Variants in DAP3 observed in about 807,000 individuals in gnomAD.
DAP3 encodes the protein small ribosomal subunit protein mS29.
In DAP3, 28 loss-of-function variants were observed where a neutral mutation model predicts 51.9. The ratio of observed to expected loss-of-function variants is 0.54; its 90% CI spans 0.40 to 0.74. The LOEUF (loss-of-function observed/expected upper bound fraction) is 0.74. Ranked by LOEUF, DAP3 falls within the 30% of genes least tolerant of loss-of-function variation. DAP3 has a pLI of 0.00. For synonymous variants in DAP3, 170 were observed against 170.3 expected, an observed-to-expected ratio of 1.00 and a Z score of 0.01; for missense variants, 458 against 483.5, an observed-to-expected ratio of 0.95 and a Z score of 0.49.
chr1:155,721,450 A>C (rs1025793878), intron 3 of DAP3, 67 bp from the exon 4 acceptor site: 1 of 1,388,116 alleles, frequency 7.2e-7, no homozygotes. Flanking sequence ...ACACACATAG[A>C]TAAGACAAAA....
intron 3 of DAP3, 111 bp from the exon 4 acceptor site, chr1:155,721,406 A>G (rs1043520212): frequency 1.8e-5 from 9 of 489,074 alleles, no homozygotes; most frequent in African/African-American, 1.8e-4. Flanking sequence ...GTATGTATAT[A>G]TATATATATA....
chr1:155,711,290 T>A (rs1234894170), intron 2 of DAP3, among the ~76,000 whole-genome samples: 1 of 152,032 alleles, frequency 6.6e-6, no homozygotes, highest in Non-Finnish European at 1.5e-5. Flanking sequence ...GTCAGCAGTT[T>A]GAGACCAGCC....
At chr1:155,705,323 A>T (rs966416335) in intron 1 of DAP3, among the ~76,000 whole-genome samples, 1 of 146,386 alleles carries the variant, frequency 6.8e-6, no homozygotes, top group Non-Finnish European at 1.5e-5. Context: ...GAAGCAGAGC[A>T]TGGTGGCTCA....
chr1:155,712,350 C>T (rs1372179677), intron 2 of DAP3, among the ~76,000 whole-genome samples: 3 of 152,088 alleles, frequency 2.0e-5, no homozygotes, highest in Non-Finnish European at 4.4e-5. Flanking sequence ...TGGTGGCTTA[C>T]ACCTGTAATC....
intron 11 of DAP3, among the ~76,000 whole-genome samples, chr1:155,732,823 G>T (rs564819707): frequency 6.6e-6 from 1 of 152,142 alleles, no homozygotes; most frequent in Non-Finnish European, 1.5e-5. Flanking sequence ...AGGAGATCGA[G>T]ACCATCCTGG....
chr1:155,688,898 A>G (rs781551482), upstream of DAP3: 4 of 1,612,496 alleles, frequency 2.5e-6, no homozygotes, highest in African/African-American at 4.0e-5. Flanking sequence ...TGGAATTGCC[A>G]GGGTGGCCGG....
intron 11 of DAP3, chr1:155,732,347 G>C (rs904775403): frequency 1.1e-5 from 2 of 185,674 alleles, no homozygotes; most frequent in African/African-American, 4.8e-5. Context: ...CTCCTGTCTC[G>C]GCCTCCTAAG....
intron 4 of DAP3, 60 bp from the exon 5 acceptor site, chr1:155,725,322 C>A: frequency 1.4e-6 from 2 of 1,467,444 alleles, no homozygotes; most frequent in Admixed American, 1.7e-5. Context: ...AGTATATATA[C>A]CACCCCCCAC....
At chr1:155,733,331 T>C (rs1659432670) in intron 11 of DAP3, among the ~76,000 whole-genome samples, 1 of 152,242 alleles carries the variant, frequency 6.6e-6, no homozygotes, top group Non-Finnish European at 1.5e-5. Context: ...TTGGAATTAA[T>C]ATGTATGTTG....
chr1:155,691,479 GTTT>G (rs1229435572), intron 1 of DAP3, among the ~76,000 whole-genome samples: 1 of 141,982 alleles, frequency 7.0e-6, no homozygotes, highest in Non-Finnish European at 1.5e-5. Context: ...ACCACGTTAT[GTTT>G]ATTCATCAAT....
upstream of DAP3, chr1:155,688,063 C>T (rs748952816): frequency 1.9e-6 from 3 of 1,570,774 alleles, no homozygotes; most frequent in South Asian, 1.2e-5. Flanking sequence ...CCAAATCGTT[C>T]TACTCACCGT....
intron 2 of DAP3, among the ~76,000 whole-genome samples, chr1:155,710,913 CAA>C (rs940898342): frequency 2.6e-5 from 4 of 151,898 alleles, no homozygotes; most frequent in African/African-American, 9.7e-5. Flanking sequence ...CTTACAGCAC[CAA>C]AGAGGAGCAC....
chr1:155,705,094 C>G (rs1228472856), intron 1 of DAP3, among the ~76,000 whole-genome samples: 2 of 151,814 alleles, frequency 1.3e-5, no homozygotes, highest in Non-Finnish European at 2.9e-5. Context: ...GAGTTCAAGA[C>G]CATCGCTGGC....
chr1:155,716,948 C>CAA (rs377724521), intron 2 of DAP3, 58 bp from the exon 3 acceptor site: 2,639 of 1,383,174 alleles, frequency 1.9e-3, no homozygotes, highest in Admixed American at 4.3e-3. Context: ...AACTCCATCT[C>CAA]AAAAAAAAAA....
chr1:155,709,634 G>T lies in DAP3; in HGVS notation c.-7-139G>T, dbSNP rs950469351. ...CATGCCTTTTGCTCATTTTTTTAAT[G>T]AAGCTGTAGGCATTCTTTATATATT... is the stretch of plus-strand genomic sequence containing the variant. On this transcript the variant is annotated intron_variant, in intron 1 of 12. Coordinates refer to ENST00000368336, the MANE Select transcript of DAP3 (RefSeq NM_004632.4). 5.3e-6 allele frequency: 3 copies of T among 567,030 alleles called. No homozygotes were observed. In the African/African-American group the frequency reaches 5.8e-5, roughly 11 times the overall value. The allele number at this position is 567,030 out of a possible 1,614,324, so 35.1% of individuals were successfully genotyped here. A position where few individuals can be genotyped will look rare whatever the true frequency, so the allele number is the denominator to read the frequency against.
intron 4 of DAP3, among the ~76,000 whole-genome samples, chr1:155,723,544 G>A (rs1346370960): frequency 6.6e-6 from 1 of 151,704 alleles, no homozygotes; most frequent in Non-Finnish European, 1.5e-5. Context: ...GGCCAGGCTG[G>A]TCTCCAACTC....
intron 4 of DAP3, among the ~76,000 whole-genome samples, chr1:155,722,971 G>A (rs1259037998): frequency 6.6e-6 from 1 of 152,120 alleles, no homozygotes; most frequent in Non-Finnish European, 1.5e-5. Context: ...ACAATGCTCT[G>A]TAAGAACTTA....
intron 3 of DAP3, among the ~76,000 whole-genome samples, chr1:155,720,994 A>G (rs1657929399): frequency 1.3e-5 from 2 of 151,560 alleles, no homozygotes; most frequent in Non-Finnish European, 2.9e-5. Flanking sequence ...CCGAGATTAC[A>G]CCATTGCACT....
intron 4 of DAP3, among the ~76,000 whole-genome samples, chr1:155,722,266 T>C (rs1353826413): frequency 5.3e-5 from 8 of 152,034 alleles, no homozygotes. Context: ...AAAAATTAGC[T>C]GGGCATGATG....
Sources: gnomAD v4.1 joint callset for allele counts (sites outside exome capture counted in the v4.1 genomes callset) on GRCh38, gnomAD v4.1.1 for gene constraint, MANE v1.5 for transcripts, NCBI Gene and HGNC (gene_info 2026-07-23, HGNC 2026-07-21) for gene names.